OPRM1: variants seen among roughly 807,000 people sequenced by gnomAD.
OPRM1 encodes the protein opioid receptor mu 1, also known as mu-type opioid receptor.
In OPRM1, 27 loss-of-function variants were observed where a neutral mutation model predicts 31.8. The observed-to-expected ratio is 0.85, with a 90% CI of 0.63 to 1.17. OPRM1 has a LOEUF of 1.17. OPRM1 is among the 50% of genes most tolerant of loss of function. OPRM1 has a pLI of 0.00. For synonymous variants in OPRM1, 196 were observed against 189.9 expected, an observed-to-expected ratio of 1.03 and a Z score of -0.26; for missense variants, 536 against 511.1, an observed-to-expected ratio of 1.05 and a Z score of -0.47.
intron 3 of OPRM1, among the ~76,000 whole-genome samples, chr6:154,111,321 T>G (rs1796342317): frequency 6.6e-6 from 1 of 152,204 alleles, no homozygotes; most frequent in African/African-American, 2.4e-5. Flanking sequence ...TAAATGAGAT[T>G]TTGAAGCCTA....
At chr6:154,143,551 T>G (rs996632819) in intron 3 of OPRM1, among the ~76,000 whole-genome samples, 5 of 152,208 alleles carry the variant, frequency 3.3e-5, no homozygotes, top group African/African-American at 9.6e-5. Flanking sequence ...CATAAACTAC[T>G]GGGAAAGGAG....
rs1797511565 is a variant in OPRM1, at chr6:154,125,053, C to T, written c.*6332C>T. Among the ~76,000 whole-genome samples the T allele has an allele frequency of 6.6e-6, 1 of 152,036 alleles. No individual in the cohort carries two copies. The highest frequency in any genetic ancestry group is 1.5e-5 in the Non-Finnish European group (1 of 68,036). On this transcript the variant is annotated 3_prime_UTR_variant, in exon 4 of 4. Coordinates refer to ENST00000330432, the MANE Select transcript of OPRM1 (RefSeq NM_000914.5). ...TAGACAGTTTTACAGCTCTGTATTTCAGGAAAACTTCTGTCCTGTGGGAGC... is the reference window on the plus strand; with the variant it reads ...TAGACAGTTTTACAGCTCTGTATTTTAGGAAAACTTCTGTCCTGTGGGAGC...
chr6:154,143,437 T>C (rs1411752626), intron 3 of OPRM1, among the ~76,000 whole-genome samples: 1 of 152,246 alleles, frequency 6.6e-6, no homozygotes, highest in Non-Finnish European at 1.5e-5. Flanking sequence ...CATGATGTAA[T>C]TTGACAATGA....
At position 154,099,348 on chromosome 6, in the gene OPRM1, C is replaced by CCA. The variant is rs147765820; in HGVS notation, c.1164+7876_1164+7877insCA. On this transcript the variant is annotated intron_variant, in intron 3 of 3. Coordinates refer to ENST00000330432, the MANE Select transcript of OPRM1 (RefSeq NM_000914.5). ...GGAAGGAAGGGAGGGAGGAAGAGAG[C>CCA]GAGAGAGAGAGAGAGAGAGAAAGAA... is the stretch of plus-strand genomic sequence containing the variant. Among the ~76,000 whole-genome samples, 571 of 125,142 alleles carry CCA rather than the reference C, an allele frequency of 4.6e-3. 1 individual carries two copies. The highest frequency in any genetic ancestry group is 6.6e-3 in the Non-Finnish European group (413 of 62,488). 82.1% of individuals were successfully genotyped at this position (125,142 alleles called of 152,430 possible). A position where few individuals can be genotyped will look rare whatever the true frequency, so the allele number is the denominator to read the frequency against.
rs1011754592 is a variant in OPRM1, at chr6:154,092,600, G to A, written c.1164+1128G>A. ...TAGGGGAGGCCTTTGCCACCACAGG[G>A]TGCAGTGGCTTCCTCCTGCTGTCTC... On this transcript the variant is annotated intron_variant, in intron 3 of 3. Coordinates refer to ENST00000330432, the MANE Select transcript of OPRM1 (RefSeq NM_000914.5). 2.0e-5 allele frequency among the ~76,000 whole-genome samples: 3 copies of A among 152,264 alleles called. No homozygotes were observed. In the East Asian group the frequency reaches 5.8e-4, roughly 29 times the overall value.
chr6:154,242,925 C>T (rs917254790), intron 3 of OPRM1, among the ~76,000 whole-genome samples: 1 of 151,926 alleles, frequency 6.6e-6, no homozygotes, highest in African/African-American at 2.4e-5. Flanking sequence ...ACTCAGGCAG[C>T]AGAGAGAGGA....
chr6:154,101,938 T>A (rs998840808), intron 3 of OPRM1, among the ~76,000 whole-genome samples: 8 of 152,258 alleles, frequency 5.3e-5, no homozygotes, highest in Admixed American at 2.6e-4. Flanking sequence ...TCCTAAAAAA[T>A]TATTTATTTT....
intron 3 of OPRM1, among the ~76,000 whole-genome samples, chr6:154,165,386 T>G (rs747990114): frequency 6.6e-6 from 1 of 152,204 alleles, no homozygotes; most frequent in Non-Finnish European, 1.5e-5. Context: ...CCTTCCAACA[T>G]GAACATGCAC....
chr6:154,106,976 A>G (rs1236707977), intron 3 of OPRM1, among the ~76,000 whole-genome samples: 1 of 152,216 alleles, frequency 6.6e-6, no homozygotes, highest in Non-Finnish European at 1.5e-5. Context: ...CATGTGAACA[A>G]AGAGGCATAA....
chr6:154,084,917 A>AACACACACAC (rs71669485), intron 1 of OPRM1, among the ~76,000 whole-genome samples: 39 of 146,398 alleles, frequency 2.7e-4, no homozygotes, highest in African/African-American at 9.8e-4. Flanking sequence ...TGTGGAATTA[A>AACACACACAC]ACACACACAC....
chr6:154,212,082 C>T (rs1451518479), intron 3 of OPRM1, among the ~76,000 whole-genome samples: 1 of 152,198 alleles, frequency 6.6e-6, no homozygotes, highest in East Asian at 1.9e-4. Flanking sequence ...CACCTACATA[C>T]ATCCTAGTAC....
intron 3 of OPRM1, among the ~76,000 whole-genome samples, chr6:154,149,803 T>A (rs141460969): frequency 1.5e-3 from 222 of 152,246 alleles, no homozygotes; most frequent in African/African-American, 5.0e-3. Flanking sequence ...CTACAGTAGT[T>A]CTGAATACCT....
intron 2 of OPRM1, 25 bp downstream of exon 2, chr6:154,090,203 G>A (rs568940726): frequency 3.9e-6 from 6 of 1,522,682 alleles, no homozygotes; most frequent in Non-Finnish European, 5.4e-6. Flanking sequence ...CAGCCTGAGG[G>A]AAGGAGGGTT....
At chr6:154,137,307 G>C (rs1280224397), downstream of OPRM1, among the ~76,000 whole-genome samples, 1 of 152,090 alleles carries the variant, frequency 6.6e-6, no homozygotes, top group Non-Finnish European at 1.5e-5. Flanking sequence ...GAAAAGATAG[G>C]AGTATATTTA....
intron 3 of OPRM1, chr6:154,094,351 C>A (rs76415266): frequency 1.2e-5 from 7 of 565,944 alleles, no homozygotes; most frequent in Admixed American, 1.2e-4. Flanking sequence ...AAATTCTGTG[C>A]CCAAAATAAG....
intron 3 of OPRM1, among the ~76,000 whole-genome samples, chr6:154,245,362 A>G (rs1394722082): frequency 3.3e-5 from 5 of 152,274 alleles, no homozygotes; most frequent in East Asian, 1.9e-4. Context: ...AGCTGGAGCA[A>G]TAAGTTTGGG....
chr6:154,040,446 T>C (rs2128396125), intron 1 of OPRM1, among the ~76,000 whole-genome samples: 2 of 152,218 alleles, frequency 1.3e-5, no homozygotes, highest in Admixed American at 1.3e-4. Context: ...GAGGCAACAC[T>C]AGGTAGAGGA....
Position 154,091,225 on chromosome 6 carries a change from C to A in OPRM1, c.917C>A (p.Ala306Asp). 6.2e-7 allele frequency: 1 copy of A among 1,614,194 alleles called. No individual in the cohort carries two copies. Among genetic ancestry groups the A allele is most frequent in the South Asian group, 1.1e-5 (1 of 91,084 alleles). Residue 306 changes from alanine to aspartate, a missense_variant, in exon 3 of 4, where the codon GCC (alanine) becomes GAC (aspartate). Transcript: ENST00000330432. ...ATTCACATTTACGTCATCATTAAAG[C>A]CTTGGTTACAATCCCAGAAACTACG... is the stretch of plus-strand genomic sequence containing the variant. ...TPIHIYVIIK[A>D]LVTIPETTFQ...
At chr6:154,233,937 C>T (rs919801322) in intron 3 of OPRM1, among the ~76,000 whole-genome samples, 2 of 152,154 alleles carry the variant, frequency 1.3e-5, no homozygotes, top group African/African-American at 2.4e-5. Flanking sequence ...GGCCGGACGC[C>T]GTGGCTCACA....
Sources: gnomAD v4.1 joint callset for allele counts (sites outside exome capture counted in the v4.1 genomes callset) on GRCh38, gnomAD v4.1.1 for gene constraint, MANE v1.5 for transcripts, NCBI Gene and HGNC (gene_info 2026-07-23, HGNC 2026-07-21) for gene names.